The following SLC38A8 variants were observed in gnomAD, a reference collection of about 807,000 sequenced individuals.
The protein encoded by SLC38A8 is amino acid transporter SLC38A8.
In SLC38A8, 65 loss-of-function variants were observed where a neutral mutation model predicts 46.0. That is an observed-to-expected ratio of 1.41 (90% CI 1.16 to 1.74). The LOEUF (loss-of-function observed/expected upper bound fraction) is 1.74, where lower values mean the gene tolerates loss of function less well. Among genes scored for constraint, SLC38A8 ranks in the 40% most tolerant of loss-of-function variants. The pLI, the probability that SLC38A8 is intolerant of heterozygous loss-of-function variation, is 0.00. For synonymous variants in SLC38A8, 447 were observed against 243.7 expected (o/e 1.83, Z -7.77); for missense variants, 998 against 567.9 (o/e 1.76, Z -7.70).
intron 7 of SLC38A8, among the ~76,000 whole-genome samples, chr16:84,019,819 G>C (rs953508628): frequency 3.9e-5 from 6 of 152,248 alleles, no homozygotes; most frequent in Non-Finnish European, 7.3e-5. Flanking sequence ...AAGGAAAGGA[G>C]TAAAGGCTCT....
At chr16:84,020,579 C>A (rs756745893) in intron 7 of SLC38A8, among the ~76,000 whole-genome samples, 1 of 152,180 alleles carries the variant, frequency 6.6e-6, no homozygotes, top group African/African-American at 2.4e-5. Flanking sequence ...GGCTGCAGCA[C>A]GAGCCAGATC....
In SLC38A8 at chr16:84,033,309, G is replaced by C. The variant is rs770496720; in HGVS notation, c.530+19C>G. On this transcript the variant is annotated intron_variant, in intron 4 of 10. Coordinates refer to ENST00000299709, the MANE Select transcript of SLC38A8 (RefSeq NM_001080442.3). ...TCAGCAAGGTGGGGGCCCCCACCAGGCAGCATCCCAGCCCTTACCTTGTGT... is the reference window on the plus strand; with the variant it reads ...TCAGCAAGGTGGGGGCCCCCACCAGCCAGCATCCCAGCCCTTACCTTGTGT... 25 of 1,613,766 alleles carry C rather than the reference G, an allele frequency of 1.5e-5. No individual in the cohort carries two copies. Among genetic ancestry groups the C allele is most frequent in the Admixed American group, 5.0e-5 (3 of 59,978 alleles).
At chr16:84,029,273 G>A (rs1012506527) in intron 6 of SLC38A8, among the ~76,000 whole-genome samples, 3 of 152,164 alleles carry the variant, frequency 2.0e-5, no homozygotes, top group East Asian at 1.9e-4. Flanking sequence ...GGATTCCCAA[G>A]TTCAAGGCAA....
chr16:84,009,860 C>T lies in SLC38A8; in HGVS notation c.1232G>A (p.Trp411Ter), dbSNP rs1160888070. Residue 411 changes from tryptophan (W) to a stop codon, truncating the protein, a stop_gained, in exon 11 of 11, where the codon TGG becomes TAG. Transcript: ENST00000299709. LOFTEE classifies it high-confidence loss of function. Reference sequence around the variant, plus strand: ...GCCGACCAGCACAGAGACCACTCCCCAGACCTCCAGGCAGCACCTGCCAAG... The same window carrying T: ...GCCGACCAGCACAGAGACCACTCCCTAGACCTCCAGGCAGCACCTGCCAAG... ...GPRVKCCLEV[W>*]GVVSVLVGTF... The T allele has an allele frequency of 1.9e-6, 3 of 1,613,942 alleles. No individual in the cohort carries two copies. The highest frequency in any genetic ancestry group is 2.5e-6 in the Non-Finnish European group (3 of 1,179,960).
At chr16:84,024,541 G>C (rs994691055) in intron 6 of SLC38A8, among the ~76,000 whole-genome samples, 3 of 152,026 alleles carry the variant, frequency 2.0e-5, no homozygotes, top group African/African-American at 7.2e-5. Context: ...AGCACTTTGG[G>C]AGGCCAAGGC....
At chr16:84,030,430 T>G (rs1223888060) in intron 5 of SLC38A8, among the ~76,000 whole-genome samples, 4 of 152,004 alleles carry the variant, frequency 2.6e-5, no homozygotes, top group Admixed American at 1.3e-4. Flanking sequence ...CAGCCTTCAA[T>G]GCCATGTCTG....
intron 2 of SLC38A8, among the ~76,000 whole-genome samples, chr16:84,037,478 C>T (rs986697240): frequency 2.0e-5 from 3 of 152,162 alleles, no homozygotes; most frequent in Admixed American, 6.5e-5. Flanking sequence ...AATGGTGTTC[C>T]GGCTGGGCAC....
At position 84,031,864 on chromosome 16, in the gene SLC38A8, T is replaced by G; in HGVS notation, c.632+3A>C. Reference sequence around the variant, plus strand: ...CTGCCGGAAGCTGTTCCCTCAGACTTACCTCAGTGAAGGATGGGACTCACG... The same window carrying G: ...CTGCCGGAAGCTGTTCCCTCAGACTGACCTCAGTGAAGGATGGGACTCACG... On this transcript the variant is annotated splice_donor_region_variant and intron_variant, in intron 5 of 10. Coordinates refer to ENST00000299709, the MANE Select transcript of SLC38A8 (RefSeq NM_001080442.3). 3 of 1,613,714 alleles carry G rather than the reference T, an allele frequency of 1.9e-6. No homozygotes were observed. The highest frequency in any genetic ancestry group is 2.5e-6 in the Non-Finnish European group (3 of 1,179,724).
At chr16:84,010,015 G>A (rs2084935950) in intron 10 of SLC38A8, 138 bp from the exon 11 acceptor site, 1 of 567,354 alleles carries the variant, frequency 1.8e-6, no homozygotes, top group African/African-American at 2.0e-5. Flanking sequence ...AATATTTCCA[G>A]TTACCTGTAG....
chr16:84,031,953 C>G lies in SLC38A8; in HGVS notation c.546G>C (p.Leu182=). The change falls in exon 5 of 11, where the codon CTG becomes CTC. Residue 182 remains leucine, a synonymous_variant. Coordinates refer to ENST00000299709, the MANE Select transcript of SLC38A8 (RefSeq NM_001080442.3). ...TGACCAGGGCCAGGTAACAGGCAGC[C>G]AGAGTGCCTAGGATGCTAACACAGT... is the stretch of plus-strand genomic sequence containing the variant. ...FQKYTSILGT[L]AACYLALVIT... 1 of 1,614,186 alleles carries G rather than the reference C, an allele frequency of 6.2e-7. No homozygotes were observed. The highest frequency in any genetic ancestry group is 8.5e-7 in the Non-Finnish European group (1 of 1,180,022).
At chr16:84,015,320 C>G (rs953147108) in intron 9 of SLC38A8, among the ~76,000 whole-genome samples, 3 of 152,090 alleles carry the variant, frequency 2.0e-5, no homozygotes, top group African/African-American at 7.2e-5. Flanking sequence ...TGCTGGCTTC[C>G]CCTTCTCAGA....
intron 2 of SLC38A8, 123 bp downstream of exon 2, chr16:84,041,846 A>T (rs1480392014): frequency 1.4e-5 from 12 of 888,246 alleles, no homozygotes; most frequent in Non-Finnish European, 2.1e-5. Flanking sequence ...GGGATAGAAA[A>T]TAAAACCCCG....
At chr16:84,009,955 T>C in intron 10 of SLC38A8, 78 bp from the exon 11 acceptor site, 1 of 1,269,550 alleles carries the variant, frequency 7.9e-7, no homozygotes, top group East Asian at 2.4e-5. Context: ...AAAAATTCAC[T>C]ATGTAGAGCC....
chr16:84,024,406 T>A (rs2085136044), intron 6 of SLC38A8, among the ~76,000 whole-genome samples: 1 of 152,144 alleles, frequency 6.6e-6, no homozygotes, highest in South Asian at 2.1e-4. Context: ...CTCAAACTCC[T>A]GAGTTCAAGC....
chr16:84,016,130 G>C (rs186717678), intron 9 of SLC38A8, among the ~76,000 whole-genome samples: 3 of 146,784 alleles, frequency 2.0e-5, no homozygotes, highest in African/African-American at 7.8e-5. Flanking sequence ...GCTGGGGGGC[G>C]GGGGGGGACC....
intron 2 of SLC38A8, chr16:84,041,173 G>A (rs577177371): frequency 3.9e-5 from 6 of 152,424 alleles, no homozygotes; most frequent in South Asian, 2.1e-4. Context: ...CGCGGCGTCC[G>A]CGCTTCCCCA....
At chr16:84,014,485 C>A (rs1210787717) in intron 9 of SLC38A8, among the ~76,000 whole-genome samples, 1 of 151,884 alleles carries the variant, frequency 6.6e-6, no homozygotes, top group Non-Finnish European at 1.5e-5. Flanking sequence ...TGTATAGCCA[C>A]ACCCTCACCT....
intron 6 of SLC38A8, among the ~76,000 whole-genome samples, chr16:84,025,494 C>G (rs1270158333): frequency 6.8e-6 from 1 of 146,518 alleles, no homozygotes; most frequent in African/African-American, 2.8e-5. Context: ...TTTGTCTACT[C>G]AGCGTCTCTC....
In SLC38A8 at chr16:84,024,732, C is replaced by A. The variant is rs534289209; in HGVS notation, c.691-1843G>T. On this transcript the variant is annotated intron_variant, in intron 6 of 10. Coordinates refer to ENST00000299709, the MANE Select transcript of SLC38A8 (RefSeq NM_001080442.3). ...GGAGGCAGAGTCTCGCTCTGTCACCCAGAATGGACTGAAGTGGCGCGAACT... is the reference window on the plus strand; with the variant it reads ...GGAGGCAGAGTCTCGCTCTGTCACCAAGAATGGACTGAAGTGGCGCGAACT... Among the ~76,000 whole-genome samples, 405 of 152,222 alleles carry A rather than the reference C, an allele frequency of 2.7e-3. 1 individual carries two copies. The highest frequency in any genetic ancestry group is 4.0e-3 in the Non-Finnish European group (275 of 68,006).
Sources: gnomAD v4.1 joint callset for allele counts (sites outside exome capture counted in the v4.1 genomes callset) on GRCh38, gnomAD v4.1.1 for gene constraint, MANE v1.5 for transcripts, NCBI Gene and HGNC (gene_info 2026-07-23, HGNC 2026-07-21) for gene names.